EDEM2: variants seen among roughly 807,000 people sequenced by gnomAD.
EDEM2 encodes the protein ER degradation enhancing alpha-mannosidase like protein 2.
Under a neutral mutation model 64.8 loss-of-function variants are expected in EDEM2, and 39 were observed. That is an observed-to-expected ratio of 0.60 (90% CI 0.47 to 0.79). The LOEUF (loss-of-function observed/expected upper bound fraction) is 0.79, where lower values mean the gene tolerates loss of function less well. EDEM2 is among the 30% of genes least tolerant of loss of function. The probability of loss-of-function intolerance (pLI) is 0.00; values close to 1 mark genes in which losing one functional copy is unlikely to be tolerated. For synonymous variants in EDEM2, 296 were observed against 291.5 expected, an observed-to-expected ratio of 1.02 and a Z score of -0.16; for missense variants, 609 against 731.3, an observed-to-expected ratio of 0.83 and a Z score of 1.93.
chr20:35,133,296 C>G (rs1409905931), intron 6 of EDEM2, among the ~76,000 whole-genome samples: 1 of 151,996 alleles, frequency 6.6e-6, no homozygotes, highest in Non-Finnish European at 1.5e-5. Flanking sequence ...AGGAGACCCA[C>G]AGGCAAAGAG....
chr20:35,135,616 A>AC (rs2085565664), intron 5 of EDEM2, among the ~76,000 whole-genome samples: 1 of 152,120 alleles, frequency 6.6e-6, no homozygotes, highest in Non-Finnish European at 1.5e-5. Flanking sequence ...GCACCACTGC[A>AC]CTCCAGCCTG....
rs3192415 is a variant in EDEM2, at chr20:35,118,706, G to A, written c.1128C>T (p.Ser376=). 30,287 of 1,612,256 alleles carry A rather than the reference G, an allele frequency of 0.019. 4,967 individuals are homozygous for A. In the African/African-American group the frequency reaches 0.36, roughly 19 times the overall value. The change falls in exon 10 of 11, where the codon AGC becomes AGT. Residue 376 remains serine, a synonymous_variant. Coordinates refer to ENST00000374492, the MANE Select transcript of EDEM2 (RefSeq NM_018217.3). ...CCGTGGCACGGTAGAGGTACATTGC[G>A]CTTTCAATAAGTTCTGCAAAGTCCA... ...GYPLRPELIE[S]AMYLYRATGD...
intron 2 of EDEM2, 77 bp from the exon 3 acceptor site, chr20:35,145,095 C>A: frequency 6.8e-7 from 1 of 1,474,112 alleles, no homozygotes; most frequent in Non-Finnish European, 9.4e-7. Flanking sequence ...AGATCTGATC[C>A]CCCTAAAACT....
chr20:35,132,637 G>A (rs1019481796), intron 6 of EDEM2, among the ~76,000 whole-genome samples: 4 of 146,822 alleles, frequency 2.7e-5, no homozygotes, highest in Non-Finnish European at 6.0e-5. Flanking sequence ...CTGGGCGACA[G>A]GGGGAGACTC....
At chr20:35,135,743 A>C (rs1052711605) in intron 5 of EDEM2, among the ~76,000 whole-genome samples, 1 of 152,242 alleles carries the variant, frequency 6.6e-6, no homozygotes, top group African/African-American at 2.4e-5. Flanking sequence ...TTATTTTTAA[A>C]GGGAAGCAAA....
At chr20:35,116,233 T>C (rs1202933068) in intron 10 of EDEM2, among the ~76,000 whole-genome samples, 1 of 152,060 alleles carries the variant, frequency 6.6e-6, no homozygotes, top group Non-Finnish European at 1.5e-5. Context: ...CTCAAATCCC[T>C]GGGCTCAAGC....
intron 3 of EDEM2, among the ~76,000 whole-genome samples, chr20:35,142,889 G>A (rs1033939556): frequency 3.5e-5 from 4 of 113,848 alleles, no homozygotes; most frequent in East Asian, 2.2e-4. Flanking sequence ...CCTCAGCCCC[G>A]AGTAGCTGGG....
rs2085667916 is a variant in EDEM2 at position 35,142,400 on chromosome 20, C to A, written c.337G>T (p.Ala113Ser). 1 of 1,613,962 alleles carries A rather than the reference C, an allele frequency of 6.2e-7. No individual in the cohort carries two copies. Among genetic ancestry groups the A allele is most frequent in the Non-Finnish European group, 8.5e-7 (1 of 1,179,914 alleles). ...DSVDFDIDVNASVFETNIRVV... is the reference protein window; with the variant it reads ...DSVDFDIDVNSSVFETNIRVV... Reference sequence around the variant, plus strand: ...CGAATGTTTGTTTCAAACACAGAGGCGTTCACATCAATATCAAAGTCCACG... The same window carrying A: ...CGAATGTTTGTTTCAAACACAGAGGAGTTCACATCAATATCAAAGTCCACG... The change falls in exon 4 of 11, where the codon GCC becomes TCC. Residue 113 changes from alanine (A) to serine (S), a missense_variant. Coordinates refer to ENST00000374492, the MANE Select transcript of EDEM2 (RefSeq NM_018217.3).
rs189550560 is a variant in EDEM2 at position 35,127,806 on chromosome 20, T to A, written c.845-1431A>T. Among the ~76,000 whole-genome samples the A allele has an allele frequency of 1.8e-3, 268 of 152,338 alleles. 1 individual carries two copies. The highest frequency in any genetic ancestry group is 2.3e-3 in the Non-Finnish European group (154 of 68,032). On this transcript the variant is annotated intron_variant, in intron 7 of 10. Transcript: ENST00000374492. ...ACTCTATATACAGTCATGTGCCATA[T>A]AACAACATGTTGGTCAACACTGAAC...
intron 9 of EDEM2, among the ~76,000 whole-genome samples, chr20:35,120,459 A>G (rs2085354833): frequency 6.6e-6 from 1 of 151,984 alleles, no homozygotes; most frequent in African/African-American, 2.4e-5. Context: ...ACAATTGCTA[A>G]TCTAATTGCT....
chr20:35,139,622 C>G (rs1209469156), intron 4 of EDEM2, among the ~76,000 whole-genome samples: 1 of 150,340 alleles, frequency 6.7e-6, no homozygotes, highest in Non-Finnish European at 1.5e-5. Context: ...TGCACTCCAG[C>G]CTGGGCGACA....
chr20:35,142,284 G>T, intron 4 of EDEM2, 89 bp downstream of exon 4: 7 of 1,076,372 alleles, frequency 6.5e-6, no homozygotes, highest in Non-Finnish European at 8.3e-6. Context: ...GGCATGGTCA[G>T]TCCTTAAAAT....
intron 6 of EDEM2, among the ~76,000 whole-genome samples, chr20:35,134,415 G>A (rs2085546633): frequency 6.6e-6 from 1 of 152,110 alleles, no homozygotes; most frequent in Non-Finnish European, 1.5e-5. Context: ...TAAAAATGAA[G>A]GCCGGACGAG....
intron 9 of EDEM2, among the ~76,000 whole-genome samples, chr20:35,123,261 A>G (rs2085389632): frequency 1.3e-5 from 2 of 152,166 alleles, no homozygotes; most frequent in South Asian, 4.1e-4. Flanking sequence ...AAAGGAGTCA[A>G]CCTTGGCCTT....
intron 6 of EDEM2, chr20:35,134,269 C>T (rs2085544523): frequency 7.7e-6 from 3 of 391,504 alleles, no homozygotes; most frequent in African/African-American, 6.3e-5. Flanking sequence ...TGCATTCTGA[C>T]TCTCCAAAAA....
chr20:35,135,097 A>G (rs1236095161), intron 5 of EDEM2, 148 bp from the exon 6 acceptor site: 3 of 814,158 alleles, frequency 3.7e-6, no homozygotes, highest in Non-Finnish European at 5.8e-6. Flanking sequence ...GATAAATGTC[A>G]TAACTGGAGG....
intron 9 of EDEM2, among the ~76,000 whole-genome samples, chr20:35,119,775 C>A (rs1385763666): frequency 6.6e-6 from 1 of 152,074 alleles, no homozygotes; most frequent in African/African-American, 2.4e-5. Flanking sequence ...TATTAGCCAA[C>A]AGGAGTGGGT....
chr20:35,119,944 CCT>C (rs930744654), intron 9 of EDEM2, among the ~76,000 whole-genome samples: 10 of 152,172 alleles, frequency 6.6e-5, no homozygotes, highest in South Asian at 2.1e-4. Flanking sequence ...CAGAAGAACC[CCT>C]GTCTCCTTTC....
chr20:35,144,643 T>C (rs1366826674), intron 3 of EDEM2, among the ~76,000 whole-genome samples: 1 of 152,206 alleles, frequency 6.6e-6, no homozygotes, highest in Non-Finnish European at 1.5e-5. Context: ...CTGATACCCT[T>C]TTATTATCAT....
Sources: allele counts gnomAD v4.1 joint callset (sites outside exome capture counted in the v4.1 genomes callset), GRCh38; gene constraint gnomAD v4.1.1; transcripts MANE v1.5; gene names NCBI Gene and HGNC (gene_info 2026-07-23, HGNC 2026-07-21).